ZNF493: variants seen among roughly 807,000 people sequenced by gnomAD.
ZNF493 encodes zinc finger protein 493.
ZNF493 carries 11 observed loss-of-function variants against 12.2 expected under a neutral mutation model. The observed-to-expected ratio is 0.90, with a 90% confidence interval of 0.57 to 1.50. ZNF493 has a LOEUF of 1.50. Ranked by LOEUF, ZNF493 falls within the 40% of genes most tolerant of loss-of-function variation. The pLI is 0.00. For missense variants in ZNF493, 950 were observed against 906.6 expected (o/e 1.05, Z -0.61); for synonymous variants, 286 against 302.6 (o/e 0.95, Z 0.57).
intron 3 of ZNF493, 91 bp from the exon 4 acceptor site, chr19:21,422,822 T>C (rs1166744394): frequency 1.7e-6 from 2 of 1,188,534 alleles, no homozygotes; most frequent in African/African-American, 3.1e-5. Flanking sequence ...ATCTGGTTTA[T>C]GCAGTTTGTA....
Position 21,424,504 on chromosome 19 carries a change from C to A in ZNF493, c.1845C>A (p.Ile615=). The A allele has an allele frequency of 6.2e-7, 1 of 1,613,206 alleles. No individual in the cohort carries two copies. The change falls in exon 4 of 4, where the codon ATC becomes ATA. Residue 615 remains isoleucine, a synonymous_variant. Coordinates refer to ENST00000392288, the MANE Select transcript of ZNF493 (RefSeq NM_001076678.3). The stretch of plus-strand genomic sequence containing the variant: ...GCAAAGCTTTTAACCGATCTTCAAT[C>A]CTTAGTATACATAAGAAAATTCATA... ...ECGKAFNRSS[I]LSIHKKIHTG...
At position 21,412,870 on chromosome 19, in the gene ZNF493, A is replaced by G. The variant is rs372999368; in HGVS notation, c.253+7014A>G. The G allele has an allele frequency of 5.4e-5, 22 of 409,298 alleles. No homozygotes were observed. In the East Asian group the frequency reaches 8.7e-4, roughly 16 times the overall value. 25.4% of individuals were successfully genotyped at this position (409,298 alleles called of 1,614,324 possible). A position where few individuals can be genotyped will look rare whatever the true frequency, so the allele number is the denominator to read the frequency against. ...CCAAATTTTGATCTTATTAAGAACTATTAATAGTGTCCACAAATCCTTGTG... is the reference window on the plus strand; with the variant it reads ...CCAAATTTTGATCTTATTAAGAACTGTTAATAGTGTCCACAAATCCTTGTG... On this transcript the variant is annotated intron_variant, in intron 3 of 3. Coordinates refer to ENST00000392288, the MANE Select transcript of ZNF493 (RefSeq NM_001076678.3).
intron 3 of ZNF493, among the ~76,000 whole-genome samples, chr19:21,409,828 A>G (rs1277774128): frequency 1.3e-5 from 2 of 152,116 alleles, no homozygotes; most frequent in Non-Finnish European, 2.9e-5. Flanking sequence ...ATCTTGTGAA[A>G]CTAAAACCCA....
rs140669174 is a variant in ZNF493 at position 21,425,481 on chromosome 19, A to G, written c.*497A>G. On this transcript the variant is annotated 3_prime_UTR_variant, in exon 4 of 4. Coordinates refer to ENST00000392288, the MANE Select transcript of ZNF493 (RefSeq NM_001076678.3). Reference sequence around the variant, plus strand: ...CAAAGCTTTTAACAAATCCTCATCCATTAGTAAACATAAGATAATTCATAC... The same window carrying G: ...CAAAGCTTTTAACAAATCCTCATCCGTTAGTAAACATAAGATAATTCATAC... The G allele has an allele frequency of 6.6e-6, 3 of 453,504 alleles. No individual in the cohort carries two copies. The highest frequency in any genetic ancestry group is 1.3e-5 in the Non-Finnish European group (3 of 231,302). 28.1% of individuals were successfully genotyped at this position (453,504 alleles called of 1,614,324 possible). A position where few individuals can be genotyped will look rare whatever the true frequency, so the allele number is the denominator to read the frequency against.
intron 3 of ZNF493, chr19:21,414,201 A>G (rs1442888448): frequency 6.6e-6 from 1 of 152,226 alleles, no homozygotes; most frequent in African/African-American, 2.4e-5. Flanking sequence ...GTCCACACAT[A>G]CATGTATATA....
chr19:21,416,816 G>C (rs2030509328), intron 3 of ZNF493, among the ~76,000 whole-genome samples: 1 of 152,136 alleles, frequency 6.6e-6, no homozygotes, highest in East Asian at 1.9e-4. Flanking sequence ...TTGTAGTCTT[G>C]AATCAGTGAC....
Position 21,424,274 on chromosome 19 carries a change from C to T in ZNF493, c.1615C>T (p.His539Tyr), listed in dbSNP as rs779695780. The change falls in exon 4 of 4, where the codon CAC (histidine) becomes TAC (tyrosine). Residue 539 changes from histidine to tyrosine, a missense_variant. By Grantham distance (83) the His-to-Tyr change is moderately conservative. Transcript: ENST00000392288. Reference sequence around the variant, plus strand: ...AACCCTTACTATACATAAAATGATTCACACTGGAGAAAAACCCTACAAATG... The same window carrying T: ...AACCCTTACTATACATAAAATGATTTACACTGGAGAAAAACCCTACAAATG... ...SSTLTIHKMIHTGEKPYKCEE... is the reference protein window; with the variant it reads ...SSTLTIHKMIYTGEKPYKCEE... The T allele has an allele frequency of 1.2e-6, 2 of 1,612,438 alleles. No individual in the cohort carries two copies. Among genetic ancestry groups the T allele is most frequent in the Non-Finnish European group, 1.7e-6 (2 of 1,178,940 alleles).
At chr19:21,412,945 C>T in intron 3 of ZNF493, 1 of 429,592 alleles carries the variant, frequency 2.3e-6, no homozygotes, top group Non-Finnish European at 4.6e-6. Flanking sequence ...TGCCACTATA[C>T]TGCCATGGTT....
intron 3 of ZNF493, 51 bp downstream of exon 3, chr19:21,405,907 T>TAAAAAAAAA (rs386388731): frequency 5.5e-5 from 10 of 180,438 alleles, no homozygotes; most frequent in African/African-American, 3.4e-4. Context: ...TTGAAAGATT[T>TAAAAAAAAA]AAAAAAAAAA....
At chr19:21,408,578 A>G in intron 3 of ZNF493, 1 of 985,250 alleles carries the variant, frequency 1.0e-6, no homozygotes, top group Non-Finnish European at 1.2e-6. Flanking sequence ...AGTTAGACAA[A>G]TTCTTTTTTA....
At chr19:21,422,881 G>A (rs1599381009) in intron 3 of ZNF493, 32 bp from the exon 4 acceptor site, 1 of 1,509,060 alleles carries the variant, frequency 6.6e-7, no homozygotes, top group Non-Finnish European at 8.9e-7. Context: ...AGTCTAGTAA[G>A]TGGAGTAATT....
Position 21,425,257 on chromosome 19 carries a change from T to A in ZNF493, c.*273T>A. ...ACTAAACATAAGAGAATTCATACCA[T>A]AGAGAAATCCTACAAATATGAAGAA... On this transcript the variant is annotated 3_prime_UTR_variant, in exon 4 of 4. Coordinates refer to ENST00000392288, the MANE Select transcript of ZNF493 (RefSeq NM_001076678.3). 2.0e-6 allele frequency: 1 copy of A among 490,674 alleles called. No individual in the cohort carries two copies. The highest frequency in any genetic ancestry group is 3.8e-6 in the Non-Finnish European group (1 of 260,988). 30.4% of individuals were successfully genotyped at this position (490,674 alleles called of 1,614,324 possible).
intron 3 of ZNF493, among the ~76,000 whole-genome samples, chr19:21,416,753 C>G (rs2030507663): frequency 6.6e-6 from 1 of 152,166 alleles, no homozygotes; most frequent in Non-Finnish European, 1.5e-5. Context: ...ATGCGCTCTC[C>G]TGGCTCTGCT....
chr19:21,408,000 C>A (rs1267947084), intron 3 of ZNF493: 1 of 984,906 alleles, frequency 1.0e-6, no homozygotes, highest in Non-Finnish European at 1.2e-6. Context: ...TTTGGGATGC[C>A]CTCTGGGTTT....
chr19:21,400,438 T>C (rs989614589), intron 1 of ZNF493, among the ~76,000 whole-genome samples: 3 of 152,106 alleles, frequency 2.0e-5, no homozygotes, highest in African/African-American at 4.8e-5. Flanking sequence ...CCTTAAAATT[T>C]TTTTTCCCGT....
intron 3 of ZNF493, chr19:21,414,648 G>A (rs560686523): frequency 9.2e-5 from 14 of 152,324 alleles, no homozygotes; most frequent in African/African-American, 2.6e-4. Flanking sequence ...AATGAACCAC[G>A]TGTGAAGAAT....
Position 21,427,341 on chromosome 19 carries a change from A to C in ZNF493, c.*2357A>C, listed in dbSNP as rs1490982822. ...TTTAGGGTACATGTGCACAATGTGC[A>C]GGTTAGTTACATATGTATACATGTG... is the stretch of plus-strand genomic sequence containing the variant. On this transcript the variant is annotated 3_prime_UTR_variant, in exon 4 of 4. Transcript: ENST00000392288. 3.1e-5 allele frequency: 5 copies of C among 159,222 alleles called. No individual in the cohort carries two copies. Among genetic ancestry groups the C allele is most frequent in the Non-Finnish European group, 5.9e-5 (4 of 68,070 alleles). 9.9% of individuals were successfully genotyped at this position (159,222 alleles called of 1,614,324 possible).
chr19:21,405,978 T>G (rs1181009751), intron 3 of ZNF493, 122 bp downstream of exon 3: 1 of 670,938 alleles, frequency 1.5e-6, no homozygotes, highest in Non-Finnish European at 2.3e-6. Context: ...CCCAGGACTT[T>G]GGGAGGCCAA....
rs775304308 is a variant in ZNF493, at chr19:21,424,020, T to C, written c.1361T>C (p.Ile454Thr). The change falls in exon 4 of 4, where the codon ATT becomes ACT. Residue 454 changes from isoleucine to threonine, a missense_variant. Physicochemically the swap from Ile to Thr is moderately conservative, Grantham distance 89. Coordinates refer to ENST00000392288, the MANE Select transcript of ZNF493 (RefSeq NM_001076678.3). ...TCAATTCTTACTAAACATAAAATAA[T>C]TCATACAGAAGAGAAACCCTACAAA... ...VFSILTKHKI[I>T]HTEEKPYKCE... 3 of 1,613,470 alleles carry C rather than the reference T, an allele frequency of 1.9e-6. No individual in the cohort carries two copies. The highest frequency in any genetic ancestry group is 2.5e-6 in the Non-Finnish European group (3 of 1,179,788).
Sources: gnomAD v4.1 joint callset for allele counts (sites outside exome capture counted in the v4.1 genomes callset) on GRCh38, gnomAD v4.1.1 for gene constraint, MANE v1.5 for transcripts, NCBI Gene and HGNC (gene_info 2026-07-23, HGNC 2026-07-21) for gene names.